The following IGF2BP2 variants were observed in gnomAD, a reference collection of about 807,000 sequenced individuals.
IGF2BP2 encodes insulin like growth factor 2 mRNA binding protein 2.
IGF2BP2 carries 17 observed loss-of-function variants against 75.8 expected under a neutral mutation model. The ratio of observed to expected loss-of-function variants is 0.22; its 90% CI spans 0.15 to 0.34. IGF2BP2 has a LOEUF of 0.34. IGF2BP2 is among the 10% of genes least tolerant of loss of function. IGF2BP2 has a pLI of 1.00. For missense variants in IGF2BP2, 516 were observed against 772.4 expected (o/e 0.67, Z 3.93); for synonymous variants, 288 against 295.6 (o/e 0.97, Z 0.26).
At chr3:185,742,883 G>A (rs1453605477) in intron 2 of IGF2BP2, among the ~76,000 whole-genome samples, 3 of 152,152 alleles carry the variant, frequency 2.0e-5, no homozygotes, top group African/African-American at 2.4e-5. Flanking sequence ...GGCAGATCAC[G>A]AGGTCAGGAG....
At position 185,710,963 on chromosome 3, in the gene IGF2BP2, T is replaced by C. The variant is rs16860187; in HGVS notation, c.240-12616A>G. On this transcript the variant is annotated intron_variant, in intron 2 of 15. Transcript: ENST00000382199. ...ATCATCATAAAATGCTGAAGAATAT[T>C]ATTAGCTCTCAAACCTAATGTCACG... Among the ~76,000 whole-genome samples, 802 of 152,222 alleles carry C rather than the reference T, an allele frequency of 5.3e-3. 5 individuals carry two copies. The highest frequency in any genetic ancestry group is 0.018 in the African/African-American group (762 of 41,536).
chr3:185,649,361 G>T (rs753375785), intron 14 of IGF2BP2, 42 bp downstream of exon 14: 2 of 1,607,726 alleles, frequency 1.2e-6, no homozygotes, highest in East Asian at 2.2e-5. Flanking sequence ...CCAGAGCGGG[G>T]AATCTGACCC....
chr3:185,738,118 G>GA (rs983234480), intron 2 of IGF2BP2, among the ~76,000 whole-genome samples: 56 of 152,298 alleles, frequency 3.7e-4, no homozygotes, highest in African/African-American at 1.3e-3. Context: ...ATAAAGGCAT[G>GA]AAAAAATCTA....
intron 9 of IGF2BP2, 168 bp downstream of exon 9, chr3:185,675,128 C>A (rs532470059): frequency 1.8e-6 from 1 of 571,194 alleles, no homozygotes; most frequent in Non-Finnish European, 3.0e-6. Flanking sequence ...TGTTGTCCAG[C>A]GCACTTATCA....
intron 2 of IGF2BP2, among the ~76,000 whole-genome samples, chr3:185,727,539 T>G (rs1304161104): frequency 6.6e-6 from 1 of 152,174 alleles, no homozygotes; most frequent in African/African-American, 2.4e-5. Context: ...CCAGAAACAG[T>G]GAAGAGGAAG....
chr3:185,658,537 C>T, intron 10 of IGF2BP2, 128 bp from the exon 11 acceptor site: 1 of 682,928 alleles, frequency 1.5e-6, no homozygotes. Flanking sequence ...GTCGTGTCTA[C>T]ACGCCTGTCC....
At chr3:185,747,176 T>C (rs1030434044) in intron 2 of IGF2BP2, among the ~76,000 whole-genome samples, 1 of 152,232 alleles carries the variant, frequency 6.6e-6, no homozygotes, top group Non-Finnish European at 1.5e-5. Context: ...CACTTTCAGC[T>C]TCTAACTTAA....
intron 2 of IGF2BP2, among the ~76,000 whole-genome samples, chr3:185,811,576 T>C (rs1257551128): frequency 2.0e-5 from 3 of 152,138 alleles, no homozygotes; most frequent in Admixed American, 6.5e-5. Context: ...AAAAATCAGA[T>C]TTGGGAACAC....
At chr3:185,654,942 G>A (rs182701193) in intron 12 of IGF2BP2, among the ~76,000 whole-genome samples, 26 of 152,338 alleles carry the variant, frequency 1.7e-4, no homozygotes, top group Non-Finnish European at 3.4e-4. Context: ...TCCCATGGAT[G>A]AGTGTGAGGC....
At chr3:185,718,684 C>CAAAAAAAAAAA (rs10699427) in intron 2 of IGF2BP2, among the ~76,000 whole-genome samples, 1 of 49,530 alleles carries the variant, frequency 2.0e-5, no homozygotes. Flanking sequence ...GACTCTGTCT[C>CAAAAAAAAAAA]AAAAAAAAAA....
intron 2 of IGF2BP2, among the ~76,000 whole-genome samples, chr3:185,764,998 T>C (rs1483247537): frequency 6.6e-6 from 1 of 152,212 alleles, no homozygotes; most frequent in East Asian, 1.9e-4. Flanking sequence ...TTTTACTTTC[T>C]TCCCCCTTCT....
chr3:185,735,974 C>G (rs902078572), intron 2 of IGF2BP2, among the ~76,000 whole-genome samples: 1 of 152,178 alleles, frequency 6.6e-6, no homozygotes, highest in African/African-American at 2.4e-5. Context: ...ATCTCAAGTC[C>G]TAGCTCAGCT....
At chr3:185,681,067 A>G (rs1179112255) in intron 7 of IGF2BP2, among the ~76,000 whole-genome samples, 1 of 152,234 alleles carries the variant, frequency 6.6e-6, no homozygotes, top group African/African-American at 2.4e-5. Flanking sequence ...TTTCTATTCA[A>G]CATAGTACTG....
At chr3:185,734,259 C>G (rs1256131184) in intron 2 of IGF2BP2, among the ~76,000 whole-genome samples, 1 of 152,178 alleles carries the variant, frequency 6.6e-6, no homozygotes, top group East Asian at 1.9e-4. Flanking sequence ...CCAACAACAG[C>G]TCTGTGAGGG....
chr3:185,672,718 C>A, intron 9 of IGF2BP2, 49 bp from the exon 10 acceptor site: 1 of 1,609,234 alleles, frequency 6.2e-7, no homozygotes, highest in South Asian at 1.1e-5. Context: ...ACCAGAGAGG[C>A]CCGCACGCCT....
chr3:185,659,539 TA>T (rs1325523723), intron 10 of IGF2BP2, among the ~76,000 whole-genome samples: 1 of 151,424 alleles, frequency 6.6e-6, no homozygotes, highest in African/African-American at 2.4e-5. Context: ...CACGCCTGGT[TA>T]ATTTTTTGTA....
chr3:185,772,859 G>A (rs1734067550), intron 2 of IGF2BP2, among the ~76,000 whole-genome samples: 1 of 152,130 alleles, frequency 6.6e-6, no homozygotes, highest in African/African-American at 2.4e-5. Context: ...TGGGATTACA[G>A]GCGTGAGCCA....
In IGF2BP2 at chr3:185,675,349, C is replaced by G; in HGVS notation, c.1018G>C (p.Glu340Gln). 6.2e-7 allele frequency: 1 copy of G among 1,612,598 alleles called. No individual in the cohort carries two copies. The highest frequency in any genetic ancestry group is 1.9e-4 in the Middle Eastern group (1 of 5,274). Residue 340 changes from glutamate (E) to glutamine (Q), a missense_variant, in exon 9 of 16, where the codon GAG (glutamate) becomes CAG (glutamine). Glu to Gln is a conservative substitution (Grantham distance 29). Transcript: ENST00000382199. The stretch of plus-strand genomic sequence containing the variant: ...GCCTCACGCAGCTTCTTCATAATCT[C>G]TATCTCAGCACTGGCACAGGCCTCA... ...TVEACASAEIEIMKKLREAFE... is the reference protein window; with the variant it reads ...TVEACASAEIQIMKKLREAFE...
intron 2 of IGF2BP2, among the ~76,000 whole-genome samples, chr3:185,708,140 T>G (rs1281872976): frequency 6.6e-6 from 1 of 152,228 alleles, no homozygotes; most frequent in African/African-American, 2.4e-5. Flanking sequence ...GAGGAGCTGA[T>G]GAGTCCCTTG....
Sources: gnomAD v4.1 joint callset for allele counts (sites outside exome capture counted in the v4.1 genomes callset) on GRCh38, gnomAD v4.1.1 for gene constraint, MANE v1.5 for transcripts, NCBI Gene and HGNC (gene_info 2026-07-23, HGNC 2026-07-21) for gene names.